The following CACNA2D3 variants were observed in gnomAD, a reference collection of about 807,000 sequenced individuals.
CACNA2D3 encodes calcium voltage-gated channel auxiliary subunit alpha2delta 3, also known as voltage-dependent calcium channel subunit alpha-2/delta-3.
Under a neutral mutation model 160.6 loss-of-function variants are expected in CACNA2D3, and 60 were observed. The ratio of observed to expected loss-of-function variants is 0.37; its 90% CI spans 0.30 to 0.46. CACNA2D3 has a LOEUF of 0.46. Ranked by LOEUF, CACNA2D3 falls within the 20% of genes least tolerant of loss-of-function variation. The pLI, the probability that CACNA2D3 is intolerant of heterozygous loss-of-function variation, is 1.00. For synonymous variants in CACNA2D3, 558 were observed against 492.9 expected (o/e 1.13, Z -1.75); for missense variants, 1,205 against 1,365.0 (o/e 0.88, Z 1.85).
At chr3:54,891,813 C>G (rs1348826109) in intron 25 of CACNA2D3, among the ~76,000 whole-genome samples, 1 of 152,224 alleles carries the variant, frequency 6.6e-6, no homozygotes, top group South Asian at 2.1e-4. Context: ...TTCAGCTGTT[C>G]TGCAGCTATG....
chr3:54,947,538 A>C (rs2107005219), intron 27 of CACNA2D3, among the ~76,000 whole-genome samples: 1 of 152,294 alleles, frequency 6.6e-6, no homozygotes, highest in African/African-American at 2.4e-5. Flanking sequence ...GTGGGTTAGC[A>C]GCATATATCC....
At chr3:54,959,622 G>A (rs1478436504) in intron 27 of CACNA2D3, among the ~76,000 whole-genome samples, 1 of 152,068 alleles carries the variant, frequency 6.6e-6, no homozygotes, top group Non-Finnish European at 1.5e-5. Flanking sequence ...TTATTAACTA[G>A]GGAGCTATAA....
Position 54,166,693 on chromosome 3 carries a change from A to G in CACNA2D3, c.204+43099A>G, listed in dbSNP as rs77053376. Among the ~76,000 whole-genome samples the G allele has an allele frequency of 0.014, 2,168 of 152,230 alleles. 124 individuals carry two copies. The East Asian group carries it at 0.21, about 14-fold the overall frequency. ...GCCTGTGTGGTGCTTCATTTATAGG[A>G]GATGAATTTTGAAAAGTTTGTTGCA... is the stretch of plus-strand genomic sequence containing the variant. On this transcript the variant is annotated intron_variant, in intron 2 of 37. Coordinates refer to ENST00000474759, the MANE Select transcript of CACNA2D3 (RefSeq NM_018398.3).
intron 2 of CACNA2D3, among the ~76,000 whole-genome samples, chr3:54,142,248 T>C (rs1392762188): frequency 6.6e-6 from 1 of 152,214 alleles, no homozygotes; most frequent in Non-Finnish European, 1.5e-5. Flanking sequence ...ACTTTCTTCT[T>C]GGCCCTTCGT....
At chr3:54,908,922 G>T (rs189772308) in intron 27 of CACNA2D3, among the ~76,000 whole-genome samples, 3 of 152,270 alleles carry the variant, frequency 2.0e-5, no homozygotes, top group East Asian at 1.9e-4. Flanking sequence ...GAAAAAGCTT[G>T]CCAAACCCAA....
In CACNA2D3 at chr3:54,510,213, AATGG is replaced by A. The variant is rs142922255; in HGVS notation, c.544+6579_544+6582del. Among the ~76,000 whole-genome samples, 15 of 150,114 alleles carry A rather than the reference AATGG, an allele frequency of 1.0e-4. No homozygotes were observed. The South Asian group carries it at 1.7e-3, about 17-fold the overall frequency. ...GGATGGATGGATGGGTAGGTGGGGG[AATGG>A]ATGGATGGATGGATGGATGAATGGA... is the stretch of plus-strand genomic sequence containing the variant. On this transcript the variant is annotated intron_variant, in intron 5 of 37. Coordinates refer to ENST00000474759, the MANE Select transcript of CACNA2D3 (RefSeq NM_018398.3).
intron 11 of CACNA2D3, among the ~76,000 whole-genome samples, chr3:54,694,974 T>G (rs966535006): frequency 6.6e-6 from 1 of 152,232 alleles, no homozygotes; most frequent in African/African-American, 2.4e-5. Context: ...ACTTTTTATC[T>G]TGAGCCTTCT....
intron 2 of CACNA2D3, among the ~76,000 whole-genome samples, chr3:54,224,807 T>G (rs965861617): frequency 2.0e-5 from 3 of 152,120 alleles, no homozygotes; most frequent in Admixed American, 1.3e-4. Flanking sequence ...TGGTTGCTCT[T>G]TATTCTTTCT....
intron 27 of CACNA2D3, chr3:54,925,154 G>A (rs768755844): frequency 6.2e-7 from 1 of 1,614,120 alleles, no homozygotes; most frequent in Admixed American, 1.7e-5. Context: ...AGTAACACTT[G>A]TCCGGGCAGC....
intron 11 of CACNA2D3, among the ~76,000 whole-genome samples, chr3:54,657,727 A>G (rs924658392): frequency 6.6e-6 from 1 of 152,134 alleles, no homozygotes; most frequent in African/African-American, 2.4e-5. Context: ...GCTGGGTAAG[A>G]TTCCATTGTA....
chr3:54,160,752 G>A (rs907952519), intron 2 of CACNA2D3, among the ~76,000 whole-genome samples: 8 of 152,120 alleles, frequency 5.3e-5, no homozygotes, highest in African/African-American at 1.4e-4. Context: ...TTTTCTGTGC[G>A]GTAACTGATC....
intron 5 of CACNA2D3, among the ~76,000 whole-genome samples, chr3:54,542,622 C>T (rs1029912854): frequency 2.0e-5 from 3 of 152,202 alleles, no homozygotes; most frequent in Non-Finnish European, 4.4e-5. Context: ...GCATGCAGCA[C>T]AGGAGAAACA....
Position 54,406,240 on chromosome 3 carries a change from C to T in CACNA2D3, c.381+19466C>T, listed in dbSNP as rs1051842034. Among the ~76,000 whole-genome samples, 3 of 152,172 alleles carry T rather than the reference C, an allele frequency of 2.0e-5. No individual in the cohort carries two copies. The East Asian group carries it at 5.8e-4, about 29-fold the overall frequency. ...AATCACCACCTCAGAAAGATACCTG[C>T]AGTCACATGTTAATTGCGCCATTTT... On this transcript the variant is annotated intron_variant, in intron 4 of 37. Coordinates refer to ENST00000474759, the MANE Select transcript of CACNA2D3 (RefSeq NM_018398.3).
At chr3:54,166,782 A>G (rs999333438) in intron 2 of CACNA2D3, among the ~76,000 whole-genome samples, 1 of 152,200 alleles carries the variant, frequency 6.6e-6, no homozygotes, top group African/African-American at 2.4e-5. Context: ...GACTTCCATG[A>G]CAATATTCTG....
chr3:54,433,642 G>T (rs569699711), intron 4 of CACNA2D3, among the ~76,000 whole-genome samples: 1 of 152,292 alleles, frequency 6.6e-6, no homozygotes, highest in Admixed American at 6.5e-5. Context: ...AAAGATGGGA[G>T]AAGACAGACG....
At chr3:54,452,152 A>G (rs753014505) in intron 4 of CACNA2D3, among the ~76,000 whole-genome samples, 3 of 152,230 alleles carry the variant, frequency 2.0e-5, no homozygotes, top group African/African-American at 7.2e-5. Context: ...TCAAGGAAAG[A>G]GGTTTAATGG....
At chr3:54,664,940 G>A (rs941488572) in intron 11 of CACNA2D3, among the ~76,000 whole-genome samples, 1 of 152,174 alleles carries the variant, frequency 6.6e-6, no homozygotes, top group African/African-American at 2.4e-5. Context: ...ATGTAGAGAA[G>A]GAAAAATGAG....
chr3:54,605,981 A>G (rs770539001), intron 9 of CACNA2D3, among the ~76,000 whole-genome samples: 3 of 152,204 alleles, frequency 2.0e-5, no homozygotes, highest in African/African-American at 7.2e-5. Flanking sequence ...TTGAATTTTA[A>G]TTCTGAGATG....
At chr3:54,311,597 A>G (rs1440776794) in intron 2 of CACNA2D3, among the ~76,000 whole-genome samples, 1 of 152,198 alleles carries the variant, frequency 6.6e-6, no homozygotes, top group Non-Finnish European at 1.5e-5. Flanking sequence ...ACTGCAGACC[A>G]GTGTGCCCTC....
Sources: gnomAD v4.1 joint callset for allele counts (sites outside exome capture counted in the v4.1 genomes callset) on GRCh38, gnomAD v4.1.1 for gene constraint, MANE v1.5 for transcripts, NCBI Gene and HGNC (gene_info 2026-07-23, HGNC 2026-07-21) for gene names.